Variants in C6 observed in about 807,000 individuals in gnomAD.
The protein encoded by C6 is complement C6.
C6 carries 101 observed loss-of-function variants against 112.9 expected under a neutral mutation model. The ratio of observed to expected loss-of-function variants is 0.89; its 90% CI spans 0.76 to 1.06. The LOEUF (loss-of-function observed/expected upper bound fraction) is 1.06. C6 is among the 50% of genes least tolerant of loss of function. The probability of loss-of-function intolerance (pLI) is 0.00; values close to 1 mark genes in which losing one functional copy is unlikely to be tolerated. For missense variants in C6, 1,202 were observed against 1,104.6 expected (o/e 1.09, Z -1.25); for synonymous variants, 431 against 384.1 (o/e 1.12, Z -1.43).
chr5:41,174,939 T>C (rs1045064957), intron 8 of C6, among the ~76,000 whole-genome samples: 4 of 152,174 alleles, frequency 2.6e-5, no homozygotes, highest in Non-Finnish European at 5.9e-5. Flanking sequence ...GAGAAGTCAT[T>C]TCTGTCTGGG....
chr5:41,151,621 C>T (rs1436157235), intron 15 of C6, among the ~76,000 whole-genome samples: 1 of 152,146 alleles, frequency 6.6e-6, no homozygotes, highest in Non-Finnish European at 1.5e-5. Flanking sequence ...GGGGGAATCA[C>T]TGAAGCTATG....
At chr5:41,180,013 G>A (rs1337411440) in intron 7 of C6, among the ~76,000 whole-genome samples, 1 of 152,166 alleles carries the variant, frequency 6.6e-6, no homozygotes, top group East Asian at 1.9e-4. Context: ...AATTAAAAAT[G>A]CGTATATGAA....
intron 1 of C6, among the ~76,000 whole-genome samples, chr5:41,221,137 T>C (rs1307341062): frequency 6.6e-6 from 1 of 152,122 alleles, no homozygotes; most frequent in East Asian, 1.9e-4. Context: ...CACTTTAAAA[T>C]TAGAGCTGTT....
intron 8 of C6, among the ~76,000 whole-genome samples, chr5:41,173,389 C>A (rs1261881045): frequency 6.6e-6 from 1 of 152,166 alleles, no homozygotes; most frequent in Admixed American, 6.6e-5. Context: ...TGCAGGGAAA[C>A]AGATGTAGTA....
At chr5:41,258,195 G>A (rs66496966) in intron 1 of C6, among the ~76,000 whole-genome samples, 26,632 of 152,098 alleles carry the variant, frequency 0.18, 2,816 homozygotes, top group South Asian at 0.35. Flanking sequence ...ATGAGGAAAG[G>A]AAACATAAAA....
chr5:41,239,136 G>T (rs1740534367), intron 1 of C6, among the ~76,000 whole-genome samples: 1 of 136,508 alleles, frequency 7.3e-6, no homozygotes, highest in African/African-American at 2.8e-5. Flanking sequence ...TTTTGAGACG[G>T]ATTCTTGCTC....
At chr5:41,235,076 T>G (rs201163120) in intron 1 of C6, among the ~76,000 whole-genome samples, 1 of 79,514 alleles carries the variant, frequency 1.3e-5, no homozygotes, top group East Asian at 2.9e-4. Flanking sequence ...TTTTTTTTAA[T>G]GTTTTTTTTT....
chr5:41,236,397 G>A (rs1740305739), intron 1 of C6, among the ~76,000 whole-genome samples: 6 of 151,498 alleles, frequency 4.0e-5, no homozygotes. Flanking sequence ...TAGATATGCG[G>A]CATTATTTCT....
chr5:41,233,949 A>C (rs1740069463), intron 1 of C6, among the ~76,000 whole-genome samples: 1 of 152,120 alleles, frequency 6.6e-6, no homozygotes, highest in Admixed American at 6.6e-5. Flanking sequence ...AATATCGCTT[A>C]AATGATTTCC....
At chr5:41,251,815 GTC>G (rs1472021388) in intron 1 of C6, among the ~76,000 whole-genome samples, 1 of 152,186 alleles carries the variant, frequency 6.6e-6, no homozygotes, top group South Asian at 2.1e-4. Context: ...CTGTGCTGGA[GTC>G]TCTGCATCAA....
intron 6 of C6, among the ~76,000 whole-genome samples, chr5:41,183,105 A>G (rs1344874191): frequency 6.6e-6 from 1 of 152,180 alleles, no homozygotes; most frequent in East Asian, 1.9e-4. Flanking sequence ...TTGTGCATAT[A>G]TTCCTACCAT....
chr5:41,231,711 G>A (rs4957381), intron 1 of C6, among the ~76,000 whole-genome samples: 84,952 of 151,638 alleles, frequency 0.56, 25,320 homozygotes, highest in South Asian at 0.67. Context: ...AAAGTAAGTG[G>A]TGTGCCTATG....
At chr5:41,195,567 C>A (rs1180679777) in intron 5 of C6, among the ~76,000 whole-genome samples, 2 of 152,182 alleles carry the variant, frequency 1.3e-5, no homozygotes, top group African/African-American at 4.8e-5. Context: ...GGGCCCATAG[C>A]ATTGCCTGGC....
intron 8 of C6, among the ~76,000 whole-genome samples, chr5:41,175,458 A>T (rs901008398): frequency 6.6e-6 from 1 of 152,152 alleles, no homozygotes; most frequent in African/African-American, 2.4e-5. Flanking sequence ...TTCCTTCATT[A>T]TATGTAACTG....
intron 1 of C6, among the ~76,000 whole-genome samples, chr5:41,241,139 T>C (rs1016182581): frequency 7.2e-5 from 11 of 152,106 alleles, no homozygotes; most frequent in Non-Finnish European, 1.5e-4. Context: ...CAGGCCCTGG[T>C]TGGCATGCCC....
chr5:41,235,484 C>T (rs1740230347), intron 1 of C6, among the ~76,000 whole-genome samples: 2 of 142,316 alleles, frequency 1.4e-5, no homozygotes, highest in Non-Finnish European at 3.0e-5. Flanking sequence ...CATTGTTGGA[C>T]ATTTGGGTTG....
chr5:41,171,124 A>T (rs1312453315), intron 9 of C6, among the ~76,000 whole-genome samples: 2 of 152,202 alleles, frequency 1.3e-5, no homozygotes, highest in Admixed American at 6.5e-5. Flanking sequence ...CTGAATGGAA[A>T]GTTTGCCTTC....
At chr5:41,227,961 G>T (rs1178686093) in intron 1 of C6, among the ~76,000 whole-genome samples, 1 of 152,018 alleles carries the variant, frequency 6.6e-6, no homozygotes, top group African/African-American at 2.4e-5. Flanking sequence ...GGCATTTTTG[G>T]TTCCTTACAA....
intron 1 of C6, among the ~76,000 whole-genome samples, chr5:41,210,183 G>T (rs563465283): frequency 3.3e-5 from 5 of 152,254 alleles, no homozygotes; most frequent in East Asian, 1.9e-4. Flanking sequence ...GCTGAAACTG[G>T]ATCCCTTCCT....
Sources: gnomAD v4.1 joint callset for allele counts (sites outside exome capture counted in the v4.1 genomes callset) on GRCh38, gnomAD v4.1.1 for gene constraint, MANE v1.5 for transcripts, NCBI Gene and HGNC (gene_info 2026-07-23, HGNC 2026-07-21) for gene names.